Variants in HORMAD2 observed in about 807,000 individuals in gnomAD.
HORMAD2 encodes HORMA domain-containing protein 2.
HORMAD2 carries 45 observed loss-of-function variants against 38.8 expected under a neutral mutation model. That is an observed-to-expected ratio of 1.16 (90% confidence interval 0.91 to 1.49). The LOEUF is 1.49. Among genes scored for constraint, HORMAD2 ranks in the 40% most tolerant of loss-of-function variants. The pLI is 0.00. For synonymous variants in HORMAD2, 126 were observed against 122.8 expected (o/e 1.03, Z -0.17); for missense variants, 338 against 367.0 (o/e 0.92, Z 0.65).
chr22:30,121,336 G>A (rs5753015), intron 8 of HORMAD2, among the ~76,000 whole-genome samples: 10,959 of 152,196 alleles, frequency 0.072, 681 homozygotes, highest in South Asian at 0.23. Flanking sequence ...GATATTAGAT[G>A]CCAGGTCACC....
chr22:30,196,849 C>A, the HORMAD2 span, among the ~76,000 whole-genome samples: 1 of 152,214 alleles, frequency 6.6e-6, no homozygotes, highest in Non-Finnish European at 1.5e-5. Context: ...AAATTGCTCA[C>A]CCTCTCATTG....
chr22:30,112,672 C>A (rs995342749), intron 7 of HORMAD2, 150 bp downstream of exon 7: 6 of 436,776 alleles, frequency 1.4e-5, no homozygotes, highest in Non-Finnish European at 2.1e-5. Context: ...TTACTCTAAA[C>A]TTGACCAATC....
At position 30,121,631 on chromosome 22, in the gene HORMAD2, G is replaced by T. The variant is rs1167309220; in HGVS notation, c.411-1G>T. The T allele has an allele frequency of 6.3e-7, 1 of 1,580,278 alleles. No individual in the cohort carries two copies. The highest frequency in any genetic ancestry group is 8.6e-7 in the Non-Finnish European group (1 of 1,163,786). ...AAAAGTATGCTTTTTTTTCTGTGTA[G>T]TCATAGCAGCAGTACAAGCTTTGAA... On this transcript the variant is annotated splice_acceptor_variant, in intron 8 of 10. Transcript: ENST00000336726. LOFTEE classifies it high-confidence loss of function.
chr22:30,190,544 G>A, the HORMAD2 span, among the ~76,000 whole-genome samples: 2 of 152,234 alleles, frequency 1.3e-5, no homozygotes, highest in Admixed American at 1.3e-4. Context: ...TGCTAAGGGG[G>A]TGACAGGGGC....
At chr22:30,113,852 A>T (rs1165879855) in intron 7 of HORMAD2, among the ~76,000 whole-genome samples, 2 of 152,100 alleles carry the variant, frequency 1.3e-5, no homozygotes, top group Admixed American at 6.5e-5. Flanking sequence ...ACTTTTACAT[A>T]CGGTAGGTAG....
intron 10 of HORMAD2, among the ~76,000 whole-genome samples, chr22:30,127,350 A>C (rs971819800): frequency 9.9e-5 from 15 of 152,098 alleles, no homozygotes; most frequent in African/African-American, 3.4e-4. Flanking sequence ...CTGGGATTAC[A>C]GGCATGTGCC....
At chr22:30,157,804 T>C (rs1925176569) in intron 10 of HORMAD2, among the ~76,000 whole-genome samples, 1 of 152,118 alleles carries the variant, frequency 6.6e-6, no homozygotes, top group African/African-American at 2.4e-5. Flanking sequence ...CCCTTATACT[T>C]CTCATAACCT....
At chr22:30,112,117 ACT>A (rs1421363849) in intron 6 of HORMAD2, among the ~76,000 whole-genome samples, 1 of 151,800 alleles carries the variant, frequency 6.6e-6, no homozygotes, top group East Asian at 1.9e-4. Flanking sequence ...AGTTTGGTAG[ACT>A]CTTTTGAAAT....
chr22:30,108,631 A>G (rs1921387577), intron 5 of HORMAD2, among the ~76,000 whole-genome samples: 1 of 152,036 alleles, frequency 6.6e-6, no homozygotes. Context: ...TTCTCATAGC[A>G]TCCCATGCTG....
intron 10 of HORMAD2, among the ~76,000 whole-genome samples, chr22:30,163,184 T>A (rs892082427): frequency 6.6e-6 from 1 of 152,226 alleles, no homozygotes; most frequent in African/African-American, 2.4e-5. Flanking sequence ...TCAAGTTTTT[T>A]ATATTGATGA....
chr22:30,107,264 A>T (rs7286681), intron 5 of HORMAD2, among the ~76,000 whole-genome samples: 8,956 of 152,300 alleles, frequency 0.059, 488 homozygotes, highest in South Asian at 0.23. Flanking sequence ...AGCTAGTTTG[A>T]TAAATTTATT....
chr22:30,146,809 A>G (rs1018458670), intron 10 of HORMAD2, among the ~76,000 whole-genome samples: 35 of 152,320 alleles, frequency 2.3e-4, no homozygotes, highest in African/African-American at 8.4e-4. Flanking sequence ...GAAATCTACA[A>G]GAAAGACACC....
chr22:30,101,945 G>A lies in HORMAD2; in HGVS notation c.194-1492G>A, dbSNP rs190013051. ...TAGCTGGCCATGGTGGTGAGTGCCT[G>A]TAATTCCAGCTACTCTGGAGGCTGA... On this transcript the variant is annotated intron_variant, in intron 3 of 10. Coordinates refer to ENST00000336726, the MANE Select transcript of HORMAD2 (RefSeq NM_152510.4). Among the ~76,000 whole-genome samples the A allele has an allele frequency of 1.4e-3, 212 of 152,214 alleles. 1 individual carries two copies. Among genetic ancestry groups the A allele is most frequent in the African/African-American group, 4.9e-3 (205 of 41,522 alleles).
chr22:30,088,055 G>A (rs1049806601), intron 1 of HORMAD2, among the ~76,000 whole-genome samples: 10 of 149,264 alleles, frequency 6.7e-5, no homozygotes, highest in African/African-American at 1.7e-4. Context: ...ACGTACACAC[G>A]TATACATATA....
intron 10 of HORMAD2, among the ~76,000 whole-genome samples, chr22:30,139,949 G>A (rs1052014983): frequency 2.1e-5 from 3 of 143,842 alleles, no homozygotes; most frequent in Admixed American, 6.8e-5. Flanking sequence ...TTGTGTGTAC[G>A]TGTATCTGTG....
intron 10 of HORMAD2, among the ~76,000 whole-genome samples, chr22:30,166,353 T>C (rs1458248360): frequency 6.6e-6 from 1 of 152,188 alleles, no homozygotes; most frequent in Non-Finnish European, 1.5e-5. Context: ...AAATGTTCTG[T>C]ATCTGTGATG....
intron 10 of HORMAD2, among the ~76,000 whole-genome samples, chr22:30,132,559 CA>C (rs1355082406): frequency 1.3e-5 from 2 of 151,396 alleles, no homozygotes; most frequent in African/African-American, 2.4e-5. Flanking sequence ...AAAACAAAAC[CA>C]AAAAACCACA....
the HORMAD2 span, chr22:30,184,699 C>G: frequency 6.6e-6 from 1 of 152,088 alleles, no homozygotes; most frequent in Non-Finnish European, 1.5e-5. Flanking sequence ...GTTTTGACAC[C>G]GTGCTGCCTA....
At chr22:30,161,139 C>T (rs1925415958) in intron 10 of HORMAD2, among the ~76,000 whole-genome samples, 1 of 152,202 alleles carries the variant, frequency 6.6e-6, no homozygotes, top group South Asian at 2.1e-4. Context: ...TCCTTCCTGC[C>T]AGCAAGAGTA....
Sources: gnomAD v4.1 joint callset for allele counts (sites outside exome capture counted in the v4.1 genomes callset) on GRCh38, gnomAD v4.1.1 for gene constraint, MANE v1.5 for transcripts, NCBI Gene and HGNC (gene_info 2026-07-23, HGNC 2026-07-21) for gene names.